The following EPS15L1 variants were observed in gnomAD, a reference collection of about 807,000 sequenced individuals.
The protein encoded by EPS15L1 is epidermal growth factor receptor pathway substrate 15 like 1, also known as epidermal growth factor receptor substrate 15-like 1.
A neutral mutation model predicts 117.1 loss-of-function variants in EPS15L1; 43 were observed. The observed-to-expected ratio is 0.37, with a 90% CI of 0.29 to 0.47. The LOEUF (loss-of-function observed/expected upper bound fraction) is 0.47, where lower values mean the gene tolerates loss of function less well. Ranked by LOEUF, EPS15L1 falls within the 20% of genes least tolerant of loss-of-function variation. EPS15L1 has a pLI of 0.99. For missense variants in EPS15L1, 981 were observed against 1,164.0 expected (o/e 0.84, Z 2.29); for synonymous variants, 459 against 470.5 (o/e 0.98, Z 0.32).
intron 23 of EPS15L1, among the ~76,000 whole-genome samples, chr19:16,360,864 A>G (rs767594289): frequency 6.6e-6 from 1 of 152,240 alleles, no homozygotes; most frequent in Admixed American, 6.5e-5. Context: ...GGCTGTGTTC[A>G]AAGAGCCATC....
At chr19:16,356,173 G>A (rs1277853928) in intron 23 of EPS15L1, among the ~76,000 whole-genome samples, 1 of 152,258 alleles carries the variant, frequency 6.6e-6, no homozygotes, top group East Asian at 1.9e-4. Context: ...GCCAAGAGGT[G>A]CAAAGATGGG....
chr19:16,403,342 G>A (rs1025501152), intron 15 of EPS15L1, among the ~76,000 whole-genome samples: 5 of 152,220 alleles, frequency 3.3e-5, no homozygotes, highest in Non-Finnish European at 7.3e-5. Flanking sequence ...CAGTGGCTGT[G>A]GAGGATGACG....
chr19:16,382,130 T>G (rs534847704), intron 21 of EPS15L1, among the ~76,000 whole-genome samples: 1 of 152,350 alleles, frequency 6.6e-6, no homozygotes, highest in East Asian at 1.9e-4. Context: ...CCAAGCCGGC[T>G]TGGCGCCTCC....
chr19:16,393,666 AAAAT>A (rs1011238662), intron 18 of EPS15L1, among the ~76,000 whole-genome samples: 196 of 149,678 alleles, frequency 1.3e-3, no homozygotes, highest in African/African-American at 4.2e-3. Flanking sequence ...AAAAAAATAA[AAAAT>A]AAATAAATAA....
chr19:16,410,461 T>G (rs2092696438), intron 13 of EPS15L1, among the ~76,000 whole-genome samples: 1 of 152,192 alleles, frequency 6.6e-6, no homozygotes, highest in African/African-American at 2.4e-5. Flanking sequence ...TGGCAGCTCC[T>G]CAACAGTTAC....
At position 16,421,303 on chromosome 19, in the gene EPS15L1, A is replaced by G. The variant is rs753143030; in HGVS notation, c.950+16T>C. Reference sequence around the variant, plus strand: ...GGAGCCACCCACAGCCACAACTGCCACCTGTCCGGCCTTACCATATGTGTG... The same window carrying G: ...GGAGCCACCCACAGCCACAACTGCCGCCTGTCCGGCCTTACCATATGTGTG... On this transcript the variant is annotated intron_variant, in intron 10 of 23. Transcript: ENST00000455140. 5 of 1,588,090 alleles carry G rather than the reference A, an allele frequency of 3.1e-6. No individual in the cohort carries two copies. The African/African-American group carries it at 6.7e-5, about 21-fold the overall frequency.
At chr19:16,377,797 C>G (rs2092314325) in intron 21 of EPS15L1, among the ~76,000 whole-genome samples, 1 of 152,208 alleles carries the variant, frequency 6.6e-6, no homozygotes, top group Non-Finnish European at 1.5e-5. Context: ...GCACATGCAG[C>G]ACCTCAGGTG....
At chr19:16,462,076 G>A (rs2093258364) in intron 1 of EPS15L1, among the ~76,000 whole-genome samples, 1 of 152,188 alleles carries the variant, frequency 6.6e-6, no homozygotes, top group Non-Finnish European at 1.5e-5. Flanking sequence ...AGGACAAAAT[G>A]GTGGCTTTGG....
intron 22 of EPS15L1, among the ~76,000 whole-genome samples, chr19:16,364,773 A>G (rs2092110572): frequency 2.0e-5 from 3 of 152,080 alleles, no homozygotes; most frequent in Non-Finnish European, 4.4e-5. Context: ...GGGGCTCCCT[A>G]GGGCTCCTGA....
At chr19:16,379,933 C>A (rs780792338) in intron 21 of EPS15L1, among the ~76,000 whole-genome samples, 2 of 151,998 alleles carry the variant, frequency 1.3e-5, no homozygotes, top group African/African-American at 2.4e-5. Context: ...ACACGGCCAT[C>A]TAAGACTCCA....
chr19:16,385,492 C>T (rs2092411032), intron 20 of EPS15L1, among the ~76,000 whole-genome samples: 2 of 152,182 alleles, frequency 1.3e-5, no homozygotes, highest in African/African-American at 4.8e-5. Flanking sequence ...GCCCCTGGGT[C>T]CCACTGGGTC....
rs73509201 is a variant in EPS15L1, at chr19:16,407,085, C to T, written c.1267-2336G>A. Among the ~76,000 whole-genome samples the T allele has an allele frequency of 2.6e-3, 399 of 152,308 alleles. 2 individuals are homozygous for T. The highest frequency in any genetic ancestry group is 9.0e-3 in the African/African-American group (375 of 41,564). On this transcript the variant is annotated intron_variant, in intron 13 of 23. Coordinates refer to ENST00000455140, the MANE Select transcript of EPS15L1 (RefSeq NM_001258374.3). ...ACTTCCCAGCCTCCTGAACTGTGAGCAGTAAACTTCTGTTGTTTATAAGCC... is the reference window on the plus strand; with the variant it reads ...ACTTCCCAGCCTCCTGAACTGTGAGTAGTAAACTTCTGTTGTTTATAAGCC...
chr19:16,401,272 G>C, intron 16 of EPS15L1: 1 of 985,444 alleles, frequency 1.0e-6, no homozygotes, highest in Middle Eastern at 5.2e-4. Context: ...CAGGGGACGC[G>C]TGTGCTTCCC....
At position 16,377,126 on chromosome 19, in the gene EPS15L1, G is replaced by A; in HGVS notation, c.2376C>T (p.Pro792=). Residue 792 remains proline, a synonymous_variant, in exon 22 of 24, where the codon CCC becomes CCT. Transcript: ENST00000455140. The part of the protein sequence containing the change: ...KKPAPPRPKP[P]SGKSTPVSQL... ...GAGAGAAGAAAGCTTACTGACCGCT[G>A]GGCGGTTTAGGCCGTGGAGGAGCAG... 1 of 1,600,330 alleles carries A rather than the reference G, an allele frequency of 6.2e-7. No individual in the cohort carries two copies. Among genetic ancestry groups the A allele is most frequent in the Non-Finnish European group, 8.5e-7 (1 of 1,175,182 alleles).
intron 8 of EPS15L1, 66 bp downstream of exon 8, chr19:16,428,636 C>T: frequency 8.7e-7 from 1 of 1,152,848 alleles, no homozygotes; most frequent in Non-Finnish European, 1.3e-6. Context: ...ACAAACGAAT[C>T]CAGCAACCCC....
chr19:16,389,612 T>C (rs1460628708), intron 19 of EPS15L1, among the ~76,000 whole-genome samples: 1 of 152,174 alleles, frequency 6.6e-6, no homozygotes, highest in Admixed American at 6.5e-5. Flanking sequence ...TAAAACTAAA[T>C]GACTACTTTT....
rs976370420 is a variant in EPS15L1, at chr19:16,405,400, G to C, written c.1267-651C>G. Among the ~76,000 whole-genome samples, 3 of 152,164 alleles carry C rather than the reference G, an allele frequency of 2.0e-5. No homozygotes were observed. The highest frequency in any genetic ancestry group is 4.4e-5 in the Non-Finnish European group (3 of 68,018). ...GTGGGATGTGTGAGTGTGGGAGGCG[G>C]GACATCATGATTCTGTTTCTGAAGC... On this transcript the variant is annotated intron_variant, in intron 13 of 23. Transcript: ENST00000455140. This position sits in a 1 kb window ranked among gnomAD's most constrained non-coding sequence, Gnocchi z 4.0.
intron 3 of EPS15L1, chr19:16,441,196 C>T (rs145285990): frequency 1.7e-5 from 8 of 458,344 alleles, no homozygotes; most frequent in African/African-American, 1.2e-4. Context: ...AGTGGCCAAG[C>T]GCGGTGGTTC....
chr19:16,367,513 A>AC (rs2092151245), intron 22 of EPS15L1, among the ~76,000 whole-genome samples: 1 of 149,032 alleles, frequency 6.7e-6, no homozygotes, highest in Non-Finnish European at 1.5e-5. Context: ...AAAAAAAAAA[A>AC]AAAAAAAAAA....
Sources: allele counts gnomAD v4.1 joint callset (sites outside exome capture counted in the v4.1 genomes callset), GRCh38; gene constraint gnomAD v4.1.1; non-coding constraint Gnocchi (gnomAD v3.1); transcripts MANE v1.5; gene names NCBI Gene and HGNC (gene_info 2026-07-23, HGNC 2026-07-21).